The following GRM5 variants were observed in gnomAD, a reference collection of about 807,000 sequenced individuals.
GRM5 encodes the protein metabotropic glutamate receptor 5.
Under a neutral mutation model 83.1 loss-of-function variants are expected in GRM5, and 19 were observed. The ratio of observed to expected loss-of-function variants is 0.23; its 90% CI spans 0.16 to 0.34. The LOEUF (loss-of-function observed/expected upper bound fraction) is 0.34. Ranked by LOEUF, GRM5 falls within the 10% of genes least tolerant of loss-of-function variation. The pLI is 1.00. For synonymous variants in GRM5, 675 were observed against 633.6 expected (o/e 1.07, Z -0.98); for missense variants, 1,160 against 1,588.3 (o/e 0.73, Z 4.58).
chr11:88,816,842 T>TA (rs146599571), intron 3 of GRM5, among the ~76,000 whole-genome samples: 3,843 of 151,056 alleles, frequency 0.025, 166 homozygotes, highest in African/African-American at 0.089. Context: ...AAATGGATCA[T>TA]AAAAAAACAG....
At chr11:88,867,435 C>T (rs1298048199) in intron 2 of GRM5, among the ~76,000 whole-genome samples, 1 of 151,674 alleles carries the variant, frequency 6.6e-6, no homozygotes. Flanking sequence ...CATACATAGG[C>T]TGTTCAGTTT....
chr11:89,054,800 A>C (rs1470872384), intron 1 of GRM5, among the ~76,000 whole-genome samples: 1 of 152,192 alleles, frequency 6.6e-6, no homozygotes, highest in Non-Finnish European at 1.5e-5. Flanking sequence ...TTTCTCAAGA[A>C]ATATTATGGG....
intron 2 of GRM5, among the ~76,000 whole-genome samples, chr11:88,968,709 T>C (rs1939070804): frequency 6.6e-6 from 1 of 151,952 alleles, no homozygotes; most frequent in Non-Finnish European, 1.5e-5. Context: ...GTGTTCAAGA[T>C]TTTTTTAGGG....
intron 2 of GRM5, among the ~76,000 whole-genome samples, chr11:88,880,704 C>A (rs185605374): frequency 6.6e-6 from 1 of 152,100 alleles, no homozygotes; most frequent in African/African-American, 2.4e-5. Context: ...AATTTGTTAT[C>A]CTATCGGGAA....
chr11:88,931,071 A>G (rs200106663), intron 2 of GRM5, among the ~76,000 whole-genome samples: 3,117 of 26,870 alleles, frequency 0.12, 51 homozygotes, highest in East Asian at 0.35. Flanking sequence ...CATTCTTTTA[A>G]TGAGAGTTTT....
chr11:88,532,094 G>A lies in GRM5; in HGVS notation c.2631-6690C>T, dbSNP rs533070516. Among the ~76,000 whole-genome samples, 306 of 152,224 alleles carry A rather than the reference G, an allele frequency of 2.0e-3. 1 individual carries two copies. The highest frequency in any genetic ancestry group is 7.0e-3 in the African/African-American group (290 of 41,542). ...CTAAGAAGTCTGTGAAAGCGAGTTG[G>A]AAAATGTTGCATATTTCACATATGT... On this transcript the variant is annotated intron_variant, in intron 8 of 9. Transcript: ENST00000305447.
At chr11:88,575,023 A>T (rs1166804112) in intron 7 of GRM5, among the ~76,000 whole-genome samples, 1 of 149,376 alleles carries the variant, frequency 6.7e-6, no homozygotes, top group Non-Finnish European at 1.5e-5. Flanking sequence ...GAAAAAAAAA[A>T]TAGAAAAGTT....
At chr11:88,970,786 T>G (rs1221834834) in intron 2 of GRM5, among the ~76,000 whole-genome samples, 1 of 152,224 alleles carries the variant, frequency 6.6e-6, no homozygotes, top group African/African-American at 2.4e-5. Flanking sequence ...GTACACAATA[T>G]GTAGGCAGTG....
chr11:88,867,147 C>A (rs769520397), intron 2 of GRM5, among the ~76,000 whole-genome samples: 1 of 151,964 alleles, frequency 6.6e-6, no homozygotes, highest in African/African-American at 2.4e-5. Context: ...CGTGATGCCT[C>A]CAGCGTTGTT....
At chr11:88,694,913 A>G (rs992333560) in intron 3 of GRM5, among the ~76,000 whole-genome samples, 8 of 152,208 alleles carry the variant, frequency 5.3e-5, no homozygotes, top group African/African-American at 1.9e-4. Flanking sequence ...AGATGACTAC[A>G]TGAAAAACTG....
intron 3 of GRM5, among the ~76,000 whole-genome samples, chr11:88,813,289 C>G (rs1358650786): frequency 6.6e-6 from 1 of 152,132 alleles, no homozygotes. Context: ...GTACTAAATG[C>G]TGTCTGCTAA....
chr11:88,551,239 A>G (rs1049801149), intron 8 of GRM5, among the ~76,000 whole-genome samples: 1 of 152,096 alleles, frequency 6.6e-6, no homozygotes, highest in African/African-American at 2.4e-5. Flanking sequence ...ATTAGCCCCT[A>G]TCATCCCCTT....
chr11:89,036,618 C>A (rs1941391556), intron 2 of GRM5, among the ~76,000 whole-genome samples: 1 of 148,514 alleles, frequency 6.7e-6, no homozygotes, highest in Non-Finnish European at 1.5e-5. Flanking sequence ...ATTAAATGTA[C>A]TTGTCCAAAG....
At chr11:89,057,771 C>A (rs2135167273) in intron 1 of GRM5, among the ~76,000 whole-genome samples, 1 of 152,274 alleles carries the variant, frequency 6.6e-6, no homozygotes, top group Admixed American at 6.5e-5. Context: ...CATTACATAT[C>A]ATTAAATGCT....
chr11:88,758,769 T>G (rs184400564), intron 3 of GRM5, among the ~76,000 whole-genome samples: 1 of 152,096 alleles, frequency 6.6e-6, no homozygotes, highest in African/African-American at 2.4e-5. Flanking sequence ...CACAAGAAGA[T>G]CATCCCGAAG....
At chr11:89,061,724 A>G (rs1430649312) in intron 1 of GRM5, among the ~76,000 whole-genome samples, 1 of 152,178 alleles carries the variant, frequency 6.6e-6, no homozygotes, top group East Asian at 1.9e-4. Context: ...GTGTCTACCT[A>G]TGGAAGAAAA....
At chr11:88,689,673 T>A (rs1940731058) in intron 3 of GRM5, among the ~76,000 whole-genome samples, 1 of 152,196 alleles carries the variant, frequency 6.6e-6, no homozygotes, top group Non-Finnish European at 1.5e-5. Flanking sequence ...CACTTTCTGA[T>A]CCCCAGCTCT....
At chr11:89,033,308 A>T (rs1456551115) in intron 2 of GRM5, among the ~76,000 whole-genome samples, 1 of 148,448 alleles carries the variant, frequency 6.7e-6, no homozygotes, top group Non-Finnish European at 1.5e-5. Context: ...CAAGATTAAT[A>T]CTCTTTCCAC....
intron 2 of GRM5, among the ~76,000 whole-genome samples, chr11:88,914,011 C>T (rs1372288653): frequency 6.6e-5 from 10 of 152,140 alleles, no homozygotes; most frequent in Non-Finnish European, 1.0e-4. Context: ...GCATTCCTTT[C>T]GTAGAACCAT....
Sources: gnomAD v4.1 joint callset for allele counts (sites outside exome capture counted in the v4.1 genomes callset) on GRCh38, gnomAD v4.1.1 for gene constraint, MANE v1.5 for transcripts, NCBI Gene and HGNC (gene_info 2026-07-23, HGNC 2026-07-21) for gene names.